Variants in MED13L observed in about 807,000 individuals in gnomAD.
MED13L encodes the protein mediator of RNA polymerase II transcription subunit 13-like.
Under a neutral mutation model 220.9 loss-of-function variants are expected in MED13L, and 7 were observed. The observed-to-expected ratio is 0.03, with a 90% CI of 0.02 to 0.06. The LOEUF is 0.06. MED13L is among the 10% of genes least tolerant of loss of function. The pLI is 1.00. For missense variants in MED13L, 1,965 were observed against 2,760.5 expected, an observed-to-expected ratio of 0.71 and a Z score of 6.46; for synonymous variants, 1,011 against 1,015.2, an observed-to-expected ratio of 1.00 and a Z score of 0.08.
At chr12:116,007,094 GAAT>G (rs1038367541) in intron 11 of MED13L, 4 of 375,908 alleles carry the variant, frequency 1.1e-5, no homozygotes, top group Admixed American at 7.4e-5. Flanking sequence ...GGGTAGTTCG[GAAT>G]AATATTTTAA....
chr12:116,022,671 AG>A (rs1374304090), intron 4 of MED13L, 70 bp from the exon 5 acceptor site: 2 of 1,498,702 alleles, frequency 1.3e-6, no homozygotes, highest in Non-Finnish European at 1.8e-6. Context: ...CAGGAACTAC[AG>A]GTAAGATACA....
Position 116,006,395 on chromosome 12 carries a change from C to G in MED13L, c.2255G>C (p.Gly752Ala), listed in dbSNP as rs1337705540. 1 of 1,613,678 alleles carries G rather than the reference C, an allele frequency of 6.2e-7. No individual in the cohort carries two copies. The highest frequency in any genetic ancestry group is 8.5e-7 in the Non-Finnish European group (1 of 1,179,794). ...LKKNKSEDGF[G>A]TKDVTTPGHS... The stretch of plus-strand genomic sequence containing the variant: ...ACCTGGTGTAGTGACATCCTTGGTA[C>G]CAAATCCATCCTCTGACTGTATAAT... The change falls in exon 12 of 31, where the codon GGT becomes GCT. Residue 752 changes from glycine (G) to alanine (A), a missense_variant. Coordinates refer to ENST00000281928, the MANE Select transcript of MED13L (RefSeq NM_015335.5).
At position 115,961,417 on chromosome 12, in the gene MED13L, A is replaced by G. The variant is rs1431002872; in HGVS notation, c.6501-19T>C. The G allele has an allele frequency of 6.2e-7, 1 of 1,612,952 alleles. No homozygotes were observed. Among genetic ancestry groups the G allele is most frequent in the Admixed American group, 1.7e-5 (1 of 60,012 alleles). On this transcript the variant is annotated intron_variant, in intron 30 of 30. Transcript: ENST00000281928. Reference sequence around the variant, plus strand: ...AACAAACCTGCCAAAGAGAACACACAGAGCAGGGGCGTGAGCCTCAAGAGG... The same window carrying G: ...AACAAACCTGCCAAAGAGAACACACGGAGCAGGGGCGTGAGCCTCAAGAGG...
intron 2 of MED13L, among the ~76,000 whole-genome samples, chr12:116,222,484 C>T (rs1486950596): frequency 6.6e-6 from 1 of 152,172 alleles, no homozygotes; most frequent in Non-Finnish European, 1.5e-5. Context: ...ATGACCTATG[C>T]TGTAATGCCA....
intron 1 of MED13L, among the ~76,000 whole-genome samples, chr12:116,244,967 G>A (rs1041789478): frequency 6.6e-6 from 1 of 152,068 alleles, no homozygotes; most frequent in Non-Finnish European, 1.5e-5. Context: ...AAAATTAAAA[G>A]AAAAGAAAAT....
intron 2 of MED13L, among the ~76,000 whole-genome samples, chr12:116,153,253 G>T (rs989703348): frequency 4.6e-5 from 7 of 152,218 alleles, no homozygotes; most frequent in Non-Finnish European, 1.0e-4. Flanking sequence ...TTACTGAGGG[G>T]AGGGGAGTGT....
intron 2 of MED13L, among the ~76,000 whole-genome samples, chr12:116,227,874 T>C (rs1040634680): frequency 6.6e-6 from 1 of 152,088 alleles, no homozygotes; most frequent in Non-Finnish European, 1.5e-5. Context: ...CAAGATAGGC[T>C]GAAAACTAGT....
chr12:116,115,131 A>G (rs1030949611), intron 2 of MED13L, among the ~76,000 whole-genome samples: 6 of 152,188 alleles, frequency 3.9e-5, no homozygotes, highest in African/African-American at 1.4e-4. Context: ...AAAAATACAG[A>G]AATACTTACG....
chr12:116,014,798 T>C (rs1056050897), intron 8 of MED13L, among the ~76,000 whole-genome samples: 1 of 152,186 alleles, frequency 6.6e-6, no homozygotes, highest in South Asian at 2.1e-4. Flanking sequence ...CCAAACCCAC[T>C]GGTTGCTGTC....
chr12:116,007,322 C>T (rs562371510), intron 11 of MED13L, 89 bp downstream of exon 11: 102 of 1,213,802 alleles, frequency 8.4e-5, no homozygotes, highest in Middle Eastern at 7.6e-4. Context: ...CTATCTCAAA[C>T]GTTCTGCCTC....
At chr12:116,059,242 T>C (rs1298350662) in intron 4 of MED13L, among the ~76,000 whole-genome samples, 4 of 152,190 alleles carry the variant, frequency 2.6e-5, no homozygotes, top group Admixed American at 6.5e-5. Context: ...TAATTGTTTG[T>C]AGAGATGGGG....
At position 115,970,786 on chromosome 12, in the gene MED13L, T is replaced by C. The variant is rs188574299; in HGVS notation, c.5891-16A>G. ...GTGACAGCATCTTTAAAGAAAAAAATAGAATTATATCAATCAATGAACAAC... is the reference window on the plus strand; with the variant it reads ...GTGACAGCATCTTTAAAGAAAAAAACAGAATTATATCAATCAATGAACAAC... On this transcript the variant is annotated splice_polypyrimidine_tract_variant and intron_variant, in intron 26 of 30. Coordinates refer to ENST00000281928, the MANE Select transcript of MED13L (RefSeq NM_015335.5). 1.2e-4 allele frequency: 196 copies of C among 1,610,916 alleles called. No homozygotes were observed. Among genetic ancestry groups the C allele is most frequent in the Non-Finnish European group, 1.4e-4 (160 of 1,178,316 alleles).
rs1425372312 is a variant in MED13L, at chr12:115,991,149, T to C, written c.3805A>G (p.Asn1269Asp). Residue 1269 changes from asparagine to aspartate, a missense_variant, in exon 17 of 31, where the codon AAT becomes GAT. Physicochemically the swap from Asn to Asp is conservative, Grantham distance 23 (BLOSUM62 1). Around this residue, in one of 10 missense-constraint regions of MED13L, gnomAD observed 165 missense variants for 190.8 expected, o/e 0.86. Transcript: ENST00000281928. The surrounding 1 kb of genome is among the most constrained non-coding windows in gnomAD (Gnocchi z 7.7). ...WSYDRVQADN[N>D]DYWTECFNAL... is the part of the protein sequence containing the mutation. ...TTAAAGCATTCCGTCCAGTAATCAT[T>C]ATTATCTGCTTGCACCCGGTCATAA... 1 of 1,614,170 alleles carries C rather than the reference T, an allele frequency of 6.2e-7. No individual in the cohort carries two copies. Among genetic ancestry groups the C allele is most frequent in the Non-Finnish European group, 8.5e-7 (1 of 1,180,040 alleles).
chr12:116,003,174 T>C (rs1189044757), intron 13 of MED13L, 72 bp from the exon 14 acceptor site: 4 of 1,324,218 alleles, frequency 3.0e-6, no homozygotes, highest in African/African-American at 2.9e-5. Context: ...TATTTCCTAA[T>C]GTATGCCTAT....
intron 28 of MED13L, among the ~76,000 whole-genome samples, chr12:115,967,934 G>C (rs1282292413): frequency 2.0e-5 from 3 of 151,930 alleles, no homozygotes; most frequent in Admixed American, 6.6e-5. Context: ...AATAGGGGCA[G>C]GTATAACATG....
At chr12:116,256,682 C>CCTTTT (rs758485781) in intron 1 of MED13L, among the ~76,000 whole-genome samples, 2 of 96,236 alleles carry the variant, frequency 2.1e-5, no homozygotes, top group African/African-American at 8.2e-5. Flanking sequence ...AAACAAACTA[C>CCTTTT]TTTTTTTTTT....
chr12:116,104,189 T>C (rs900019408), intron 3 of MED13L, among the ~76,000 whole-genome samples: 1 of 151,884 alleles, frequency 6.6e-6, no homozygotes, highest in Non-Finnish European at 1.5e-5. Flanking sequence ...TTTGCATTTT[T>C]AGTAGAGTCA....
At chr12:116,105,792 T>C (rs529373312) in intron 3 of MED13L, among the ~76,000 whole-genome samples, 1 of 152,342 alleles carries the variant, frequency 6.6e-6, no homozygotes, top group Non-Finnish European at 1.5e-5. Flanking sequence ...AAATAAATGC[T>C]ATCCCTTCCT....
chr12:115,998,881 G>A (rs929972904), intron 14 of MED13L, among the ~76,000 whole-genome samples: 2 of 151,988 alleles, frequency 1.3e-5, no homozygotes, highest in African/African-American at 2.4e-5. Flanking sequence ...AAAAGTACCT[G>A]CTGCTTCTAA....
Sources: gnomAD v4.1 joint callset for allele counts (sites outside exome capture counted in the v4.1 genomes callset) on GRCh38, gnomAD v4.1.1 for gene constraint, gnomAD v4.1.1 regional missense constraint, Gnocchi (gnomAD v3.1) non-coding constraint, MANE v1.5 for transcripts, NCBI Gene and HGNC (gene_info 2026-07-23, HGNC 2026-07-21) for gene names.